Variants in PHACTR4 observed in about 807,000 individuals in gnomAD.
The protein encoded by PHACTR4 is protein phosphatase 1, regulatory subunit 124.
Under a neutral mutation model 72.7 loss-of-function variants are expected in PHACTR4, and 51 were observed. The observed-to-expected ratio is 0.70, with a 90% CI of 0.56 to 0.89. The LOEUF is 0.89. Among genes scored for constraint, PHACTR4 ranks in the 40% least tolerant of loss-of-function variants. The pLI is 0.00. For missense variants in PHACTR4, 731 were observed against 861.8 expected (o/e 0.85, Z 1.90); for synonymous variants, 255 against 302.5 (o/e 0.84, Z 1.63).
intron 2 of PHACTR4, among the ~76,000 whole-genome samples, chr1:28,451,882 C>G (rs2124445851): frequency 6.6e-6 from 1 of 152,134 alleles, no homozygotes; most frequent in South Asian, 2.1e-4. Flanking sequence ...CAAGTGATCC[C>G]CACTACCTCG....
At chr1:28,431,270 C>T (rs763599071) in intron 2 of PHACTR4, among the ~76,000 whole-genome samples, 8 of 148,540 alleles carry the variant, frequency 5.4e-5, no homozygotes, top group Non-Finnish European at 1.0e-4. Context: ...TTTGGGAGGC[C>T]GAGGCGGGTG....
chr1:28,390,723 G>C (rs1352135288), intron 1 of PHACTR4, among the ~76,000 whole-genome samples: 3 of 152,100 alleles, frequency 2.0e-5, no homozygotes, highest in African/African-American at 4.8e-5. Context: ...AACCCCAGGG[G>C]TGGAGGTTGC....
chr1:28,370,215 G>C (rs893995213), intron 1 of PHACTR4, among the ~76,000 whole-genome samples: 1 of 152,196 alleles, frequency 6.6e-6, no homozygotes, highest in Non-Finnish European at 1.5e-5. Flanking sequence ...TACAGTAACC[G>C]GATCGGGTCA....
intron 2 of PHACTR4, among the ~76,000 whole-genome samples, chr1:28,435,377 G>A (rs140765336): frequency 4.3e-4 from 66 of 152,226 alleles, no homozygotes; most frequent in Admixed American, 1.8e-3. Context: ...CGATTCTCAC[G>A]CCTCAGCCTC....
At chr1:28,369,878 C>CGCTCAGTATCA in intron 1 of PHACTR4, 53 bp downstream of exon 1, 2 of 423,094 alleles carry the variant, frequency 4.7e-6, no homozygotes, top group Admixed American at 5.5e-5. Context: ...TATCAGGCTG[C>CGCTCAGTATCA]GGCCTCCTCT....
chr1:28,466,526 G>A lies in PHACTR4; in HGVS notation c.581G>A (p.Gly194Asp), dbSNP rs1337987601. 1 of 1,613,946 alleles carries A rather than the reference G, an allele frequency of 6.2e-7. No homozygotes were observed. The highest frequency in any genetic ancestry group is 8.5e-7 in the Non-Finnish European group (1 of 1,180,020). Residue 194 changes from glycine (G) to aspartate (D), a missense_variant, in exon 6 of 14, where the codon GGC (glycine) becomes GAC (aspartate). Gly to Asp is a moderately conservative substitution (Grantham distance 94). Around this residue, in one of 2 missense-constraint regions of PHACTR4, gnomAD observed 621 missense variants for 676.6 expected, o/e 0.92. Transcript: ENST00000373839. The stretch of plus-strand genomic sequence containing the variant: ...GCAAAGGATGCCACTTCCTCTGGCG[G>A]CACGGCAAGGTTCATCATCTCCACC... ...GQAKDATSSGGTARFIISTSI... is the reference protein window; with the variant it reads ...GQAKDATSSGDTARFIISTSI...
At chr1:28,490,383 T>C (rs888229147) in intron 10 of PHACTR4, among the ~76,000 whole-genome samples, 2 of 151,658 alleles carry the variant, frequency 1.3e-5, no homozygotes, top group Non-Finnish European at 2.9e-5. Context: ...TACAAAAAAA[T>C]TAGCCGGGCA....
rs548378321 is a variant in PHACTR4 at position 28,470,958 on chromosome 1, G to A, written c.824-2596G>A. Among the ~76,000 whole-genome samples the A allele has an allele frequency of 2.0e-5, 3 of 151,658 alleles. No homozygotes were observed. The South Asian group carries it at 6.3e-4, about 32-fold the overall frequency. On this transcript the variant is annotated intron_variant, in intron 6 of 13. Coordinates refer to ENST00000373839, the MANE Select transcript of PHACTR4 (RefSeq NM_001048183.3). ...GAGGATCACTTGAACCCAGGAGATC[G>A]AGGCTGCAGTGAGCTATTGTTCATG... is the stretch of plus-strand genomic sequence containing the variant.
intron 1 of PHACTR4, among the ~76,000 whole-genome samples, chr1:28,373,790 TGA>T (rs1651433756): frequency 6.6e-6 from 1 of 152,162 alleles, no homozygotes; most frequent in East Asian, 1.9e-4. Context: ...TACAGTTCTG[TGA>T]GATGGTTGTT....
chr1:28,416,110 T>TTC (rs1361247500), intron 2 of PHACTR4, among the ~76,000 whole-genome samples: 3 of 152,156 alleles, frequency 2.0e-5, no homozygotes, highest in Non-Finnish European at 4.4e-5. Flanking sequence ...TCCCTCCTCT[T>TTC]TAAGAATGAA....
intron 1 of PHACTR4, among the ~76,000 whole-genome samples, chr1:28,373,384 G>A (rs1474955885): frequency 2.0e-5 from 3 of 152,046 alleles, no homozygotes; most frequent in South Asian, 2.1e-4. Flanking sequence ...TCTGCCTCCC[G>A]GGTTTAAGTG....
At chr1:28,481,650 C>T (rs578084210) in intron 9 of PHACTR4, among the ~76,000 whole-genome samples, 1 of 151,728 alleles carries the variant, frequency 6.6e-6, no homozygotes, top group East Asian at 2.0e-4. Context: ...ATTAGCCAGG[C>T]ATGGTGGCAT....
intron 2 of PHACTR4, among the ~76,000 whole-genome samples, chr1:28,449,379 C>A (rs1273419217): frequency 1.3e-5 from 2 of 152,046 alleles, no homozygotes; most frequent in Non-Finnish European, 2.9e-5. Flanking sequence ...GGTTGTAAAT[C>A]TAATTCTAAA....
At chr1:28,446,624 C>T (rs1048028649) in intron 2 of PHACTR4, among the ~76,000 whole-genome samples, 16 of 152,042 alleles carry the variant, frequency 1.1e-4, no homozygotes, top group African/African-American at 3.9e-4. Flanking sequence ...ACTAAAACTA[C>T]AAAAATTAGC....
intron 1 of PHACTR4, among the ~76,000 whole-genome samples, chr1:28,371,243 C>T (rs573270793): frequency 1.3e-5 from 2 of 152,232 alleles, no homozygotes; most frequent in South Asian, 4.1e-4. Context: ...CTCCCAGATG[C>T]CTGGGACTAG....
chr1:28,415,620 T>TCATA (rs1317308023), intron 2 of PHACTR4, among the ~76,000 whole-genome samples: 2 of 152,238 alleles, frequency 1.3e-5, no homozygotes, highest in African/African-American at 4.8e-5. Flanking sequence ...TCTGAATACT[T>TCATA]CATTAAGTTT....
chr1:28,384,336 C>G (rs1021411063), intron 1 of PHACTR4, among the ~76,000 whole-genome samples: 4 of 152,064 alleles, frequency 2.6e-5, no homozygotes, highest in Non-Finnish European at 5.9e-5. Flanking sequence ...GACTCAGTTT[C>G]AGAGCTCGTT....
chr1:28,415,248 G>A (rs1395280062), intron 2 of PHACTR4, among the ~76,000 whole-genome samples: 4 of 143,582 alleles, frequency 2.8e-5, no homozygotes, highest in South Asian at 2.2e-4. Context: ...GCAACAGAGC[G>A]AGACTCTGTC....
intron 1 of PHACTR4, among the ~76,000 whole-genome samples, chr1:28,390,820 C>T (rs572286845): frequency 4.0e-5 from 6 of 151,704 alleles, no homozygotes; most frequent in Admixed American, 6.6e-5. Flanking sequence ...CCAGGCTGGG[C>T]GCAGGTGGTT....
Sources: allele counts gnomAD v4.1 joint callset (sites outside exome capture counted in the v4.1 genomes callset), GRCh38; gene constraint gnomAD v4.1.1; regional missense constraint gnomAD v4.1.1; transcripts MANE v1.5; gene names NCBI Gene and HGNC (gene_info 2026-07-23, HGNC 2026-07-21).